Variants in IZUMO4 observed in about 807,000 individuals in gnomAD.
The protein encoded by IZUMO4 is izumo sperm-egg fusion protein 4.
Under a neutral mutation model 37.1 loss-of-function variants are expected in IZUMO4, and 51 were observed. The observed-to-expected ratio is 1.38, with a 90% CI of 1.10 to 1.74. The LOEUF (loss-of-function observed/expected upper bound fraction) is 1.74, where lower values mean the gene tolerates loss of function less well. Among genes scored for constraint, IZUMO4 ranks in the 40% most tolerant of loss-of-function variants. The pLI is 0.00. For missense variants in IZUMO4, 364 were observed against 299.6 expected (o/e 1.21, Z -1.59); for synonymous variants, 162 against 121.4 (o/e 1.33, Z -2.20).
At chr19:2,097,370 C>G in intron 2 of IZUMO4, 38 bp downstream of exon 2, 1 of 1,604,322 alleles carries the variant, frequency 6.2e-7, no homozygotes, top group African/African-American at 1.3e-5. Flanking sequence ...CCCCCCACCC[C>G]GGGACACCCC....
At position 2,097,962 on chromosome 19, in the gene IZUMO4, A is replaced by G; in HGVS notation, c.397+7A>G. 3 of 1,613,174 alleles carry G rather than the reference A, an allele frequency of 1.9e-6. No homozygotes were observed. The highest frequency in any genetic ancestry group is 2.5e-6 in the Non-Finnish European group (3 of 1,179,964). ...GACTGTCAGCACCGCTGTGGTAAGC[A>G]AGGCTCCGTCCAGGCTGAGGGGCGT... On this transcript the variant is annotated splice_region_variant and intron_variant, in intron 4 of 9. Coordinates refer to ENST00000395301, the MANE Select transcript of IZUMO4 (RefSeq NM_001039846.2).
At position 2,097,149 on chromosome 19, in the gene IZUMO4, C is replaced by T; in HGVS notation, c.204C>T (p.Ile68=). Residue 68 remains isoleucine (I), a synonymous_variant, in exon 1 of 10, where the codon ATC becomes ATT. Coordinates refer to ENST00000395301, the MANE Select transcript of IZUMO4 (RefSeq NM_001039846.2). ...CGATGAAGGAGCTGCACCTGGCCAT[C>T]CCCGCCAAGATCAGTGAGTGCCGGA... ...DDTMKELHLA[I]PAKITREKLD... is the part of the protein sequence containing the mutation. 1 of 1,610,888 alleles carries T rather than the reference C, an allele frequency of 6.2e-7. No homozygotes were observed. The highest frequency in any genetic ancestry group is 8.5e-7 in the Non-Finnish European group (1 of 1,178,676).
chr19:2,097,636 C>G (rs1304065920), intron 3 of IZUMO4, 141 bp downstream of exon 3: 2 of 825,316 alleles, frequency 2.4e-6, no homozygotes, highest in East Asian at 2.5e-5. Context: ...AGGGAGGGAC[C>G]CAGCCTAGCA....
chr19:2,098,584 C>G (rs2017793961), intron 7 of IZUMO4, 134 bp downstream of exon 7: 4 of 1,601,796 alleles, frequency 2.5e-6, no homozygotes, highest in Non-Finnish European at 2.6e-6. Context: ...GAACCTCAAC[C>G]CAGCTCTGCG....
chr19:2,098,294 G>A lies in IZUMO4; in HGVS notation c.481G>A (p.Ala161Thr). ...CAAGCCTGTGTCCCACAGGTCCTCG[G>A]CGCAGTGGAAGTCAGCTGTCCAGGG... ...ACFGYNCESS[A>T]QWKSAVQGLL... The change falls in exon 6 of 10, where the codon GCG becomes ACG. Residue 161 changes from alanine (A) to threonine (T), a missense_variant. Coordinates refer to ENST00000395301, the MANE Select transcript of IZUMO4 (RefSeq NM_001039846.2). The A allele has an allele frequency of 6.2e-7, 1 of 1,613,882 alleles. No individual in the cohort carries two copies. Among genetic ancestry groups the A allele is most frequent in the Non-Finnish European group, 8.5e-7 (1 of 1,180,024 alleles).
intron 6 of IZUMO4, 27 bp from the exon 7 acceptor site, chr19:2,098,409 C>G: frequency 6.2e-7 from 1 of 1,614,014 alleles, no homozygotes; most frequent in Non-Finnish European, 8.5e-7. Flanking sequence ...ACTCGGCCTC[C>G]TGAGTCCAAA....
intron 9 of IZUMO4, 38 bp downstream of exon 9, chr19:2,099,067 G>A: frequency 1.3e-6 from 2 of 1,591,418 alleles, no homozygotes; most frequent in Non-Finnish European, 1.7e-6. Flanking sequence ...GGGAGAAGGG[G>A]TGCTCGTAAG....
intron 7 of IZUMO4, 160 bp downstream of exon 7, chr19:2,098,610 G>A: frequency 6.3e-7 from 1 of 1,579,172 alleles, no homozygotes; most frequent in South Asian, 1.1e-5. Flanking sequence ...GGCGGCTGCA[G>A]TCCTTTTCTC....
At chr19:2,098,225 T>C in intron 5 of IZUMO4, 62 bp from the exon 6 acceptor site, 2 of 1,612,040 alleles carry the variant, frequency 1.2e-6, no homozygotes, top group Non-Finnish European at 1.7e-6. Flanking sequence ...CACCTGGCTG[T>C]CATCGGGTAG....
intron 3 of IZUMO4, 99 bp from the exon 4 acceptor site, chr19:2,097,830 T>C: frequency 6.9e-7 from 1 of 1,453,358 alleles, no homozygotes; most frequent in South Asian, 1.2e-5. Context: ...TGGGCCCCAG[T>C]GCCGAGGGAC....
At chr19:2,099,167 C>T (rs1231572706) in intron 9 of IZUMO4, 88 bp from the exon 10 acceptor site, 1 of 1,404,318 alleles carries the variant, frequency 7.1e-7, no homozygotes, top group East Asian at 2.3e-5. Flanking sequence ...ACCACACGTC[C>T]CAGCTGGGAG....
In IZUMO4 at chr19:2,098,293, G is replaced by C. The variant is rs766229104; in HGVS notation, c.480G>C (p.Ser160=). The C allele has an allele frequency of 6.2e-7, 1 of 1,613,846 alleles. No individual in the cohort carries two copies. The highest frequency in any genetic ancestry group is 8.5e-7 in the Non-Finnish European group (1 of 1,180,022). The change falls in exon 6 of 10, where the codon TCG becomes TCC. Residue 160 remains serine (S), a synonymous_variant. Coordinates refer to ENST00000395301, the MANE Select transcript of IZUMO4 (RefSeq NM_001039846.2). ...CCAAGCCTGTGTCCCACAGGTCCTC[G>C]GCGCAGTGGAAGTCAGCTGTCCAGG... ...VACFGYNCES[S]AQWKSAVQGL...
At position 2,099,239 on chromosome 19, in the gene IZUMO4, C is replaced by G. The variant is rs373820725; in HGVS notation, c.609-16C>G. 61 of 1,607,822 alleles carry G rather than the reference C, an allele frequency of 3.8e-5. No homozygotes were observed. In the Middle Eastern group the frequency reaches 5.0e-4, roughly 13 times the overall value. ...TGGGGGACATGGAGAGCTGAGGCAGCCTCGTCTCCCCGCAGCCTGGTATCG... is the reference window on the plus strand; with the variant it reads ...TGGGGGACATGGAGAGCTGAGGCAGGCTCGTCTCCCCGCAGCCTGGTATCG... On this transcript the variant is annotated splice_polypyrimidine_tract_variant and intron_variant, in intron 9 of 9. Coordinates refer to ENST00000395301, the MANE Select transcript of IZUMO4 (RefSeq NM_001039846.2).
intron 4 of IZUMO4, 21 bp from the exon 5 acceptor site, chr19:2,098,031 C>A (rs369319810): frequency 1.9e-5 from 31 of 1,613,018 alleles, no homozygotes; most frequent in Non-Finnish European, 2.6e-5. Context: ...GGAGCCCTGG[C>A]GGCTCTTGTA....
At chr19:2,097,781 C>T (rs942526663) in intron 3 of IZUMO4, 148 bp from the exon 4 acceptor site, 3 of 1,030,352 alleles carry the variant, frequency 2.9e-6, no homozygotes, top group East Asian at 5.0e-5. Context: ...CCCCTTCCCT[C>T]CGGGCCATGG....
chr19:2,098,325 T>C lies in IZUMO4; in HGVS notation c.512T>C (p.Leu171Pro). 6.2e-6 allele frequency: 10 copies of C among 1,614,038 alleles called. No homozygotes were observed. Among genetic ancestry groups the C allele is most frequent in the Non-Finnish European group, 8.5e-6 (10 of 1,180,020 alleles). Residue 171 changes from leucine (L) to proline (P), a missense_variant, in exon 6 of 10, where the codon CTG becomes CCG. Physicochemically the swap from Leu to Pro is moderately conservative, Grantham distance 98. Coordinates refer to ENST00000395301, the MANE Select transcript of IZUMO4 (RefSeq NM_001039846.2). ...TGGAAGTCAGCTGTCCAGGGCCTCC[T>C]GAACTACATGTGAGTGGGGTCTTTG... ...AQWKSAVQGL[L>P]NYINNWHKQD...
chr19:2,098,310 C>T lies in IZUMO4; in HGVS notation c.497C>T (p.Ala166Val), dbSNP rs757551665. 1.2e-6 allele frequency: 2 copies of T among 1,613,930 alleles called. No individual in the cohort carries two copies. Among genetic ancestry groups the T allele is most frequent in the South Asian group, 2.2e-5 (2 of 91,086 alleles). Reference sequence around the variant, plus strand: ...AGGTCCTCGGCGCAGTGGAAGTCAGCTGTCCAGGGCCTCCTGAACTACATG... The same window carrying T: ...AGGTCCTCGGCGCAGTGGAAGTCAGTTGTCCAGGGCCTCCTGAACTACATG... ...NCESSAQWKS[A>V]VQGLLNYINN... Residue 166 changes from alanine (A) to valine (V), a missense_variant, in exon 6 of 10, where the codon GCT becomes GTT. Ala to Val is a moderately conservative substitution (Grantham distance 64, BLOSUM62 0). Transcript: ENST00000395301.
At chr19:2,098,926 T>G in intron 8 of IZUMO4, 50 bp from the exon 9 acceptor site, 1 of 1,600,284 alleles carries the variant, frequency 6.2e-7, no homozygotes, top group Non-Finnish European at 8.6e-7. Context: ...CTGGGACACC[T>G]GCTGGATGTC....
At chr19:2,097,721 C>A (rs757534931) in intron 3 of IZUMO4, 15 of 699,356 alleles carry the variant, frequency 2.1e-5, no homozygotes, top group Non-Finnish European at 3.6e-5. Context: ...GTGTTGCCAC[C>A]GCCCTCCCCT....
Sources: gnomAD v4.1 joint callset for allele counts on GRCh38, gnomAD v4.1.1 for gene constraint, MANE v1.5 for transcripts, NCBI Gene and HGNC (gene_info 2026-07-23, HGNC 2026-07-21) for gene names.